LHFPL4: variants seen among roughly 807,000 people sequenced by gnomAD.
LHFPL4 encodes LHFPL tetraspan subfamily member 4 protein.
LHFPL4 carries 6 observed loss-of-function variants against 20.0 expected under a neutral mutation model. The ratio of observed to expected loss-of-function variants is 0.30; its 90% CI spans 0.16 to 0.59. The LOEUF is 0.59. Ranked by LOEUF, LHFPL4 falls within the 20% of genes least tolerant of loss-of-function variation. The pLI is 0.88. For synonymous variants in LHFPL4, 129 were observed against 143.8 expected (o/e 0.90, Z 0.74); for missense variants, 215 against 331.2 (o/e 0.65, Z 2.72).
At chr3:9,524,880 G>A (rs775059308) in intron 2 of LHFPL4, among the ~76,000 whole-genome samples, 3 of 152,148 alleles carry the variant, frequency 2.0e-5, no homozygotes, top group Non-Finnish European at 4.4e-5. Context: ...TTAGTGATGT[G>A]GTGGTAAGAT....
intron 2 of LHFPL4, among the ~76,000 whole-genome samples, chr3:9,535,356 TG>T (rs1477908444): frequency 6.6e-6 from 1 of 152,186 alleles, no homozygotes; most frequent in Admixed American, 6.6e-5. Context: ...GACACTGAGG[TG>T]CAAGACGTTT....
chr3:9,549,917 A>C (rs1461071082), intron 2 of LHFPL4, among the ~76,000 whole-genome samples: 2 of 152,126 alleles, frequency 1.3e-5, no homozygotes, highest in African/African-American at 4.8e-5. Flanking sequence ...TTTTTTGCAG[A>C]GACAGGGTCT....
rs1273169912 is a variant in LHFPL4 at position 9,499,985 on chromosome 3, C to T, written c.*2226G>A. 1 of 151,216 alleles carries T rather than the reference C, an allele frequency of 6.6e-6. No individual in the cohort carries two copies. Among genetic ancestry groups the T allele is most frequent in the Non-Finnish European group, 1.5e-5 (1 of 68,164 alleles). The allele number at this position is 151,216 out of a possible 1,614,324, so 9.4% of individuals were successfully genotyped here. A position where few individuals can be genotyped will look rare whatever the true frequency, so the allele number is the denominator to read the frequency against. ...CATTTCCCCTCCCCCACCCCAAGCT[C>T]TCGGGCAGCCTCTCAGCTGGTCTCT... On this transcript the variant is annotated 3_prime_UTR_variant, in exon 4 of 4. Transcript: ENST00000287585.
rs748612761 is a variant in LHFPL4 at position 9,502,314 on chromosome 3, AAGAGAGAGAG to A, written c.644-13_644-4del. 1.1e-5 allele frequency: 17 copies of A among 1,521,044 alleles called. No homozygotes were observed. Among genetic ancestry groups the A allele is most frequent in the African/African-American group, 6.9e-5 (5 of 72,536 alleles). The allele number at this position is 1,521,044 out of a possible 1,614,324, so 94.2% of individuals were successfully genotyped here. ...GCTTACTGTAGAGCCCACAAAATCT[AAGAGAGAGAG>A]AGAGAGAGAGAAGGAGAGAGAATTA... On this transcript the variant is annotated splice_polypyrimidine_tract_variant and splice_region_variant and intron_variant, in intron 3 of 3. Transcript: ENST00000287585.
intron 2 of LHFPL4, among the ~76,000 whole-genome samples, chr3:9,538,230 G>A (rs945209865): frequency 1.3e-5 from 2 of 152,018 alleles, no homozygotes; most frequent in Admixed American, 6.6e-5. Context: ...TCCATTCTCC[G>A]CAGCAGCCTC....
At chr3:9,523,081 A>G (rs994974889) in intron 2 of LHFPL4, among the ~76,000 whole-genome samples, 5 of 130,028 alleles carry the variant, frequency 3.8e-5, no homozygotes, top group African/African-American at 1.6e-4. Flanking sequence ...GAAAAGGAAG[A>G]AAGAAAGAAA....
rs370809632 is a variant in LHFPL4, at chr3:9,538,810, T to C, written c.406+13464A>G. Among the ~76,000 whole-genome samples, 135 of 152,086 alleles carry C rather than the reference T, an allele frequency of 8.9e-4. 1 individual carries two copies. The South Asian group carries it at 9.1e-3, about 10-fold the overall frequency. On this transcript the variant is annotated intron_variant, in intron 2 of 3. Transcript: ENST00000287585. ...GCCTCCCTGGTTCAAGGGATTCTCCTGTCTCAGCCTCCTGAGTAGCTGGGA... is the reference window on the plus strand; with the variant it reads ...GCCTCCCTGGTTCAAGGGATTCTCCCGTCTCAGCCTCCTGAGTAGCTGGGA...
chr3:9,550,531 G>A (rs1215088713), intron 2 of LHFPL4: 2 of 152,142 alleles, frequency 1.3e-5, no homozygotes, highest in African/African-American at 4.8e-5. Context: ...TATGGGGGTT[G>A]TTGGACAATT....
intron 2 of LHFPL4, among the ~76,000 whole-genome samples, chr3:9,543,206 A>G (rs1484163843): frequency 6.6e-6 from 1 of 152,082 alleles, no homozygotes; most frequent in Non-Finnish European, 1.5e-5. Context: ...GAATGAACTT[A>G]AAAGTGGGTC....
rs138724754 is a variant in LHFPL4, at chr3:9,537,131, G to T, written c.406+15143C>A. On this transcript the variant is annotated intron_variant, in intron 2 of 3. Transcript: ENST00000287585. The stretch of plus-strand genomic sequence containing the variant: ...CTCTCCTACTTAACTCTCTCTTCAT[G>T]GCATTCAGAATAAAATCCTGCCAAC... 3.6e-3 allele frequency among the ~76,000 whole-genome samples: 552 copies of T among 152,164 alleles called. 1 individual carries two copies. The highest frequency in any genetic ancestry group is 6.3e-3 in the Non-Finnish European group (425 of 67,998).
At chr3:9,524,927 A>T (rs2046363933) in intron 2 of LHFPL4, among the ~76,000 whole-genome samples, 1 of 152,176 alleles carries the variant, frequency 6.6e-6, no homozygotes, top group Non-Finnish European at 1.5e-5. Flanking sequence ...TCCTACAAAG[A>T]GGTCTCCGTC....
rs1004457493 is a variant in LHFPL4 at position 9,543,452 on chromosome 3, A to T, written c.406+8822T>A. Among the ~76,000 whole-genome samples, 10 of 151,790 alleles carry T rather than the reference A, an allele frequency of 6.6e-5. No individual in the cohort carries two copies. The South Asian group carries it at 2.1e-3, about 32-fold the overall frequency. On this transcript the variant is annotated intron_variant, in intron 2 of 3. Coordinates refer to ENST00000287585, the MANE Select transcript of LHFPL4 (RefSeq NM_198560.3). Reference sequence around the variant, plus strand: ...GAGGCGGAGCTTGCAGTGAGCCGAGATCGCACCACTGCACTCCAGCCTGGG... The same window carrying T: ...GAGGCGGAGCTTGCAGTGAGCCGAGTTCGCACCACTGCACTCCAGCCTGGG...
Position 9,501,949 on chromosome 3 carries a change from A to C in LHFPL4, c.*262T>G. On this transcript the variant is annotated 3_prime_UTR_variant, in exon 4 of 4. Coordinates refer to ENST00000287585, the MANE Select transcript of LHFPL4 (RefSeq NM_198560.3). ...AGTCTAGAGAGGAGAGGAGAAGCCC[A>C]AGGGCCTACGCAGATGCAGGCTCCC... 2.0e-6 allele frequency: 1 copy of C among 504,052 alleles called. No homozygotes were observed. Among genetic ancestry groups the C allele is most frequent in the South Asian group, 2.4e-5 (1 of 41,492 alleles). 31.2% of individuals were successfully genotyped at this position (504,052 alleles called of 1,614,324 possible).
rs543583891 is a variant in LHFPL4 at position 9,506,720 on chromosome 3, A to G, written c.407-517T>C. ...CTCAGCCTCCTGAGTAGCTGAGACT[A>G]CAGGTGCCTCCCACCATGTCCGGCT... is the stretch of plus-strand genomic sequence containing the variant. On this transcript the variant is annotated intron_variant, in intron 2 of 3. Transcript: ENST00000287585. This position sits in a 1 kb window ranked among gnomAD's most constrained non-coding sequence, Gnocchi z 4.5. Among the ~76,000 whole-genome samples, 1 of 152,224 alleles carries G rather than the reference A, an allele frequency of 6.6e-6. No individual in the cohort carries two copies. The highest frequency in any genetic ancestry group is 2.1e-4 in the South Asian group (1 of 4,818).
chr3:9,549,261 A>C (rs982534318), intron 2 of LHFPL4, among the ~76,000 whole-genome samples: 2 of 152,048 alleles, frequency 1.3e-5, no homozygotes, highest in African/African-American at 4.8e-5. Flanking sequence ...ATGATGTCTT[A>C]TGCATCTCAG....
chr3:9,529,441 C>A (rs1414222642), intron 2 of LHFPL4, among the ~76,000 whole-genome samples: 4 of 152,098 alleles, frequency 2.6e-5, no homozygotes, highest in Non-Finnish European at 5.9e-5. Flanking sequence ...GCAGCTATAG[C>A]CTTTCAAAAT....
chr3:9,508,319 G>A (rs1041270179), intron 2 of LHFPL4, among the ~76,000 whole-genome samples: 4 of 151,806 alleles, frequency 2.6e-5, no homozygotes, highest in Non-Finnish European at 5.9e-5. Flanking sequence ...TACTATGATC[G>A]AACAGACACT....
At chr3:9,527,348 C>A (rs949398642) in intron 2 of LHFPL4, among the ~76,000 whole-genome samples, 3 of 152,054 alleles carry the variant, frequency 2.0e-5, no homozygotes, top group Non-Finnish European at 4.4e-5. Context: ...GCAGGTGGAC[C>A]ACTTGAGCTC....
intron 2 of LHFPL4, among the ~76,000 whole-genome samples, chr3:9,512,827 C>T (rs556152501): frequency 1.3e-5 from 2 of 152,332 alleles, no homozygotes; most frequent in Middle Eastern, 3.4e-3. Flanking sequence ...ATCCAGCAGG[C>T]ATCTCTGACA....
Sources: gnomAD v4.1 joint callset for allele counts (sites outside exome capture counted in the v4.1 genomes callset) on GRCh38, gnomAD v4.1.1 for gene constraint, Gnocchi (gnomAD v3.1) non-coding constraint, MANE v1.5 for transcripts, NCBI Gene and HGNC (gene_info 2026-07-23, HGNC 2026-07-21) for gene names.